Variants in CRPPA observed in about 807,000 individuals in gnomAD.
CRPPA encodes the protein D-ribitol-5-phosphate cytidylyltransferase.
Under a neutral mutation model 52.0 loss-of-function variants are expected in CRPPA, and 43 were observed. The ratio of observed to expected loss-of-function variants is 0.83; its 90% CI spans 0.65 to 1.07. The LOEUF (loss-of-function observed/expected upper bound fraction) is 1.07. Ranked by LOEUF, CRPPA falls within the 50% of genes least tolerant of loss-of-function variation. CRPPA has a pLI of 0.00. For missense variants in CRPPA, 629 were observed against 551.7 expected (o/e 1.14, Z -1.40); for synonymous variants, 250 against 203.5 (o/e 1.23, Z -1.94).
At chr7:16,253,176 A>T (rs1029143036) in intron 8 of CRPPA, among the ~76,000 whole-genome samples, 1 of 152,096 alleles carries the variant, frequency 6.6e-6, no homozygotes, top group Admixed American at 6.6e-5. Flanking sequence ...AAGCTTCTCT[A>T]GTTCTTTTAA....
chr7:16,367,413 G>A (rs564400077), intron 3 of CRPPA, among the ~76,000 whole-genome samples: 1 of 152,212 alleles, frequency 6.6e-6, no homozygotes, highest in Non-Finnish European at 1.5e-5. Context: ...TCTGAGAGTT[G>A]TAATGCTTGG....
chr7:16,149,433 G>A (rs941696307), intron 9 of CRPPA, among the ~76,000 whole-genome samples: 2 of 152,100 alleles, frequency 1.3e-5, no homozygotes, highest in Non-Finnish European at 1.5e-5. Context: ...GAAAGGACAG[G>A]AAACATGCAT....
At chr7:16,325,858 T>C (rs1386693566) in intron 3 of CRPPA, among the ~76,000 whole-genome samples, 1 of 151,978 alleles carries the variant, frequency 6.6e-6, no homozygotes, top group Admixed American at 6.6e-5. Context: ...ACAACTAACA[T>C]CAACAGGAAT....
intron 3 of CRPPA, among the ~76,000 whole-genome samples, chr7:16,371,425 A>T (rs2128311194): frequency 6.6e-6 from 1 of 152,184 alleles, no homozygotes; most frequent in South Asian, 2.1e-4. Context: ...GTGCACAAAG[A>T]TCCTCTATAA....
chr7:16,363,340 A>T (rs1347237197), intron 3 of CRPPA, among the ~76,000 whole-genome samples: 1 of 152,256 alleles, frequency 6.6e-6, no homozygotes, highest in Non-Finnish European at 1.5e-5. Flanking sequence ...TCACTTACAC[A>T]GAGGGAAAAT....
intron 9 of CRPPA, among the ~76,000 whole-genome samples, chr7:16,112,002 T>C (rs1366393663): frequency 2.0e-5 from 3 of 152,180 alleles, no homozygotes; most frequent in Admixed American, 2.0e-4. Context: ...TAAATTATAA[T>C]ATCACTTTTT....
chr7:16,102,593 C>T (rs1782068547), intron 9 of CRPPA, among the ~76,000 whole-genome samples: 2 of 151,846 alleles, frequency 1.3e-5, no homozygotes, highest in East Asian at 2.0e-4. Context: ...CTACAAGGAA[C>T]TTAAACAAAT....
chr7:16,278,369 G>A (rs1784253853), intron 5 of CRPPA, 143 bp from the exon 6 acceptor site: 4 of 597,326 alleles, frequency 6.7e-6, no homozygotes, highest in Non-Finnish European at 8.9e-6. Flanking sequence ...GGAGTAATCT[G>A]TGTACACACT....
intron 6 of CRPPA, among the ~76,000 whole-genome samples, chr7:16,271,273 A>G (rs1199111519): frequency 6.6e-6 from 1 of 152,104 alleles, no homozygotes; most frequent in Non-Finnish European, 1.5e-5. Context: ...GCTTATATGC[A>G]TTTAGAGGTA....
intron 9 of CRPPA, among the ~76,000 whole-genome samples, chr7:16,105,514 T>C (rs907735197): frequency 2.0e-5 from 3 of 152,232 alleles, no homozygotes; most frequent in South Asian, 4.2e-4. Flanking sequence ...AAAACAGTAG[T>C]GAAAATGTCA....
intron 9 of CRPPA, among the ~76,000 whole-genome samples, chr7:16,179,609 G>A (rs1050692823): frequency 6.6e-6 from 1 of 152,002 alleles, no homozygotes; most frequent in African/African-American, 2.4e-5. Context: ...AATAAGGTAT[G>A]GAATCCTCCA....
rs147377678 is a variant in CRPPA, at chr7:16,298,381, A to G, written c.835+3040T>C. Reference sequence around the variant, plus strand: ...ATAAAAAGATCAAACTGCCTAAGGCAGAGACTTGTGGTTAACATTCTCTTT... The same window carrying G: ...ATAAAAAGATCAAACTGCCTAAGGCGGAGACTTGTGGTTAACATTCTCTTT... On this transcript the variant is annotated intron_variant, in intron 5 of 9. Transcript: ENST00000407010. Among the ~76,000 whole-genome samples the G allele has an allele frequency of 5.6e-3, 855 of 152,344 alleles. 5 individuals are homozygous for G. The highest frequency in any genetic ancestry group is 0.019 in the African/African-American group (785 of 41,580).
chr7:16,217,103 C>G (rs1194729946), intron 8 of CRPPA, among the ~76,000 whole-genome samples: 6 of 150,026 alleles, frequency 4.0e-5, no homozygotes, highest in Non-Finnish European at 7.4e-5. Context: ...TGAGAACGGG[C>G]AGACTGCCTC....
chr7:16,254,577 G>T (rs184120227), intron 8 of CRPPA, among the ~76,000 whole-genome samples: 52 of 151,966 alleles, frequency 3.4e-4, no homozygotes, highest in African/African-American at 1.3e-3. Context: ...ATCAAACATG[G>T]GGGCCTGTAG....
rs906018974 is a variant in CRPPA at position 16,261,265 on chromosome 7, G to T, written c.934-2253C>A. ...TTTCCAGGAAGTTTAATTTCTAAAG[G>T]TTAAGAAGAGGTGCCTTGAGCAGGA... On this transcript the variant is annotated intron_variant, in intron 6 of 9. Transcript: ENST00000407010. Among the ~76,000 whole-genome samples the T allele has an allele frequency of 6.6e-5, 10 of 152,142 alleles. No individual in the cohort carries two copies. In the East Asian group the frequency reaches 1.9e-3, roughly 29 times the overall value.
intron 3 of CRPPA, among the ~76,000 whole-genome samples, chr7:16,348,632 T>C (rs189305864): frequency 2.6e-4 from 40 of 152,260 alleles, no homozygotes; most frequent in African/African-American, 8.9e-4. Context: ...AAAAAAACTC[T>C]CATTTTCTCT....
chr7:16,322,540 G>C (rs575805426), intron 3 of CRPPA, among the ~76,000 whole-genome samples: 1 of 152,146 alleles, frequency 6.6e-6, no homozygotes, highest in Non-Finnish European at 1.5e-5. Flanking sequence ...TGAGGGTGTA[G>C]ATGAAATCCA....
Position 16,089,345 on chromosome 7 carries a change from T to C in CRPPA, c.*2350A>G. 2.7e-6 allele frequency: 1 copy of C among 374,968 alleles called. No homozygotes were observed. The highest frequency in any genetic ancestry group is 5.7e-6 in the Non-Finnish European group (1 of 175,924). The allele number at this position is 374,968 out of a possible 1,614,324, so 23.2% of individuals were successfully genotyped here. A position where few individuals can be genotyped will look rare whatever the true frequency, so the allele number is the denominator to read the frequency against. The stretch of plus-strand genomic sequence containing the variant: ...GTATATAAATATATGTGTGTATGCG[T>C]ACGTATATACATACATACATGCATG... On this transcript the variant is annotated 3_prime_UTR_variant, in exon 10 of 10. Coordinates refer to ENST00000407010, the MANE Select transcript of CRPPA (RefSeq NM_001101426.4).
At chr7:16,318,337 T>C (rs1785190691) in intron 3 of CRPPA, among the ~76,000 whole-genome samples, 1 of 152,142 alleles carries the variant, frequency 6.6e-6, no homozygotes, top group African/African-American at 2.4e-5. Flanking sequence ...TATGCTTTTA[T>C]CAGTCACACA....
Sources: allele counts gnomAD v4.1 joint callset (sites outside exome capture counted in the v4.1 genomes callset), GRCh38; gene constraint gnomAD v4.1.1; transcripts MANE v1.5; gene names NCBI Gene and HGNC (gene_info 2026-07-23, HGNC 2026-07-21).